The following MINAR1 variants were observed in gnomAD, a reference collection of about 807,000 sequenced individuals.
MINAR1 encodes the protein membrane integral NOTCH2 associated receptor 1.
In MINAR1, 40 loss-of-function variants were observed where a neutral mutation model predicts 65.1. That is an observed-to-expected ratio of 0.61 (90% CI 0.48 to 0.80). MINAR1 has a LOEUF of 0.80. Ranked by LOEUF, MINAR1 falls within the 30% of genes least tolerant of loss-of-function variation. The pLI, the probability that MINAR1 is intolerant of heterozygous loss-of-function variation, is 0.00. For synonymous variants in MINAR1, 482 were observed against 449.1 expected (o/e 1.07, Z -0.93); for missense variants, 1,128 against 1,148.0 (o/e 0.98, Z 0.25).
chr15:79,470,366 TTTATCACAGATGAAGTGC>T lies in MINAR1; in HGVS notation c.*1983_*2000del, dbSNP rs1460808174. The T allele has an allele frequency of 6.6e-6, 1 of 152,234 alleles. No homozygotes were observed. The highest frequency in any genetic ancestry group is 2.4e-5 in the African/African-American group (1 of 41,386). The allele number at this position is 152,234 out of a possible 1,614,324, so 9.4% of individuals were successfully genotyped here. A position where few individuals can be genotyped will look rare whatever the true frequency, so the allele number is the denominator to read the frequency against. ...ATATTGTAGCCCCACTATTCTCCTC[TTTATCACAGATGAAGTGC>T]CAGAGCATCAGAGATAGGTAGCTCC... On this transcript the variant is annotated 3_prime_UTR_variant, in exon 4 of 4. Transcript: ENST00000305428.
intron 3 of MINAR1, among the ~76,000 whole-genome samples, chr15:79,466,676 A>G (rs926844770): frequency 6.6e-6 from 1 of 152,220 alleles, no homozygotes; most frequent in African/African-American, 2.4e-5. Flanking sequence ...ACAGGTAGAT[A>G]ATAAAGCCTG....
chr15:79,435,787 TG>T (rs1475045960), intron 1 of MINAR1, among the ~76,000 whole-genome samples: 1 of 152,248 alleles, frequency 6.6e-6, no homozygotes, highest in Middle Eastern at 3.2e-3. Context: ...AGACAGATTT[TG>T]GCTTATTGTA....
At chr15:79,455,780 A>G (rs1895389614) in intron 1 of MINAR1, among the ~76,000 whole-genome samples, 1 of 152,192 alleles carries the variant, frequency 6.6e-6, no homozygotes, top group Admixed American at 6.5e-5. Flanking sequence ...CAATGTTTGT[A>G]AAAATTCATG....
chr15:79,445,794 C>T (rs561677320), intron 1 of MINAR1, among the ~76,000 whole-genome samples: 144 of 152,258 alleles, frequency 9.5e-4, no homozygotes, highest in East Asian at 1.7e-3. Context: ...GTGATCCACC[C>T]GCCTTGGCCT....
rs1328791127 is a variant in MINAR1 at position 79,458,394 on chromosome 15, A to G, written c.2247A>G (p.Ile749Met). Residue 749 changes from isoleucine to methionine, a missense_variant, in exon 2 of 4, where the codon ATA becomes ATG. Transcript: ENST00000305428. ...GTGTGGGCCTCAATGAGGAGGAGAT[A>G]AAAGACACAGGCCCAGGAGATAATA... Reference protein sequence around the residue: ...TNRVGLNEEEIKDTGPGDNKD... With the variant: ...TNRVGLNEEEMKDTGPGDNKD... The G allele has an allele frequency of 6.2e-7, 1 of 1,614,198 alleles. No homozygotes were observed. The highest frequency in any genetic ancestry group is 1.1e-5 in the South Asian group (1 of 91,066).
At chr15:79,435,329 C>A (rs529435785) in intron 1 of MINAR1, among the ~76,000 whole-genome samples, 3 of 152,092 alleles carry the variant, frequency 2.0e-5, no homozygotes, top group African/African-American at 7.2e-5. Context: ...AGGGACATAG[C>A]AGCCAGTTCA....
the MINAR1 span, chr15:79,417,884 G>A: frequency 6.6e-6 from 1 of 152,234 alleles, no homozygotes; most frequent in Non-Finnish European, 1.5e-5. Context: ...TTGAAAAATA[G>A]CTGCTTCTTA....
At chr15:79,411,828 T>C in the MINAR1 span, 3 of 267,668 alleles carry the variant, frequency 1.1e-5, no homozygotes, top group Admixed American at 8.7e-5. Context: ...CAATAAAGCA[T>C]AGCCAGGGAC....
chr15:79,431,257 T>TC (rs1894428839), upstream of MINAR1, among the ~76,000 whole-genome samples: 1 of 152,140 alleles, frequency 6.6e-6, no homozygotes, highest in African/African-American at 2.4e-5. Context: ...TATGATTCCC[T>TC]CCCTCACCCT....
chr15:79,417,909 G>A, the MINAR1 span: 6 of 152,204 alleles, frequency 3.9e-5, no homozygotes, highest in South Asian at 2.1e-4. Flanking sequence ...TTTTGAACAC[G>A]GGCTTGGCCG....
rs527393623 is a variant in MINAR1, at chr15:79,455,530, C to A, written c.-50-568C>A. Among the ~76,000 whole-genome samples the A allele has an allele frequency of 2.9e-3, 445 of 152,320 alleles. 3 individuals are homozygous for A. Among genetic ancestry groups the A allele is most frequent in the South Asian group, 0.011 (53 of 4,824 alleles). On this transcript the variant is annotated intron_variant, in intron 1 of 3. Transcript: ENST00000305428. ...ACAATGATATCATTTAGGAAAACTT[C>A]TCTGTGCCCCTTTGAGGTCAACCCT...
intron 1 of MINAR1, among the ~76,000 whole-genome samples, chr15:79,453,543 T>A (rs1313617665): frequency 6.6e-6 from 1 of 152,202 alleles, no homozygotes; most frequent in African/African-American, 2.4e-5. Context: ...GTTCCACTGC[T>A]ACAGAGCCCG....
intron 2 of MINAR1, among the ~76,000 whole-genome samples, chr15:79,460,746 T>C (rs1032893646): frequency 6.6e-6 from 1 of 152,330 alleles, no homozygotes; most frequent in Admixed American, 6.5e-5. Flanking sequence ...GCAAACGTCT[T>C]AGCCAGGCCT....
At chr15:79,437,597 G>T (rs992778054) in intron 1 of MINAR1, among the ~76,000 whole-genome samples, 2 of 145,554 alleles carry the variant, frequency 1.4e-5, no homozygotes, top group Non-Finnish European at 3.0e-5. Context: ...GAGTGCATGT[G>T]AATGTGGAGA....
chr15:79,456,161 AG>A lies in MINAR1; in HGVS notation c.16del (p.Glu6LysfsTer7). The A allele has an allele frequency of 6.2e-7, 1 of 1,613,142 alleles. No homozygotes were observed. Among genetic ancestry groups the A allele is most frequent in the South Asian group, 1.1e-5 (1 of 91,058 alleles). On this transcript the variant is annotated frameshift_variant, in exon 2 of 4. Transcript: ENST00000305428. LOFTEE classifies it high-confidence loss of function. Reference protein sequence around the residue: METSQETSLFLVKIL... With the variant: METSXETSLFLVKIL... ...AAGTAATAAATCATGGAGACCAGTC[AG>A]GAAACTTCCCTCTTCTTGGTGAAGA... is the stretch of plus-strand genomic sequence containing the variant.
At chr15:79,433,049 T>G (rs1894496777) in intron 1 of MINAR1, among the ~76,000 whole-genome samples, 1 of 152,226 alleles carries the variant, frequency 6.6e-6, no homozygotes, top group South Asian at 2.1e-4. Flanking sequence ...ATCGTTGTTC[T>G]TCCCGAGGGT....
chr15:79,417,985 T>C, the MINAR1 span: 2 of 152,262 alleles, frequency 1.3e-5, no homozygotes, highest in African/African-American at 2.4e-5. Context: ...AGATAAACTT[T>C]GGTCCAGTTA....
At chr15:79,428,334 A>C (rs1231192453), upstream of MINAR1, among the ~76,000 whole-genome samples, 240 of 40,332 alleles carry the variant, frequency 6.0e-3, no homozygotes, top group Middle Eastern at 0.024. Flanking sequence ...TCCCTCCTCT[A>C]CCTCCCCCAT....
the MINAR1 span, chr15:79,415,118 G>A: frequency 1.3e-5 from 2 of 152,374 alleles, no homozygotes; most frequent in East Asian, 3.9e-4. Context: ...GTCAGGATAA[G>A]TTTCACATGG....
Sources: gnomAD v4.1 joint callset for allele counts (sites outside exome capture counted in the v4.1 genomes callset) on GRCh38, gnomAD v4.1.1 for gene constraint, MANE v1.5 for transcripts, NCBI Gene and HGNC (gene_info 2026-07-23, HGNC 2026-07-21) for gene names.